The following FRMD4A variants were observed in gnomAD, a reference collection of about 807,000 sequenced individuals.
FRMD4A encodes FERM domain containing 4A.
FRMD4A carries 29 observed loss-of-function variants against 129.1 expected under a neutral mutation model. That is an observed-to-expected ratio of 0.22 (90% CI 0.17 to 0.31). FRMD4A has a LOEUF of 0.31. FRMD4A is among the 10% of genes least tolerant of loss of function. The probability of loss-of-function intolerance (pLI) is 1.00; values close to 1 mark genes in which losing one functional copy is unlikely to be tolerated. For missense variants in FRMD4A, 1,272 were observed against 1,375.8 expected (o/e 0.92, Z 1.19); for synonymous variants, 634 against 571.6 (o/e 1.11, Z -1.56).
intron 2 of FRMD4A, among the ~76,000 whole-genome samples, chr10:14,042,610 G>A (rs571630754): frequency 3.2e-4 from 48 of 152,214 alleles, no homozygotes; most frequent in South Asian, 8.3e-4. Context: ...GGGTATTTAC[G>A]AAGGTGTACT....
In FRMD4A at chr10:14,039,368, GTCCA is replaced by G. The variant is rs61121735; in HGVS notation, c.46-180460_46-180457del. Among the ~76,000 whole-genome samples, 363 of 109,496 alleles carry G rather than the reference GTCCA, an allele frequency of 3.3e-3. 4 individuals are homozygous for G. The highest frequency in any genetic ancestry group is 0.011 in the African/African-American group (243 of 22,490). 71.8% of individuals were successfully genotyped at this position (109,496 alleles called of 152,430 possible). On this transcript the variant is annotated intron_variant, in intron 2 of 24. Coordinates refer to ENST00000357447, the MANE Select transcript of FRMD4A (RefSeq NM_018027.5). ...TGCTCACTTTCTGATCTGTCCGTCCGTCCATCCATCCATCCATCCATCCATCCAT... is the reference window on the plus strand; with the variant it reads ...TGCTCACTTTCTGATCTGTCCGTCCGTCCATCCATCCATCCATCCATCCAT...
chr10:13,735,410 T>C (rs898440326), intron 12 of FRMD4A, among the ~76,000 whole-genome samples: 1 of 152,230 alleles, frequency 6.6e-6, no homozygotes, highest in Non-Finnish European at 1.5e-5. Flanking sequence ...TTGTAAATTC[T>C]CTTATTTGAT....
intron 5 of FRMD4A, among the ~76,000 whole-genome samples, chr10:13,787,268 G>T (rs1564802414): frequency 6.6e-6 from 1 of 152,116 alleles, no homozygotes; most frequent in South Asian, 2.1e-4. Context: ...GTTAGGGGAG[G>T]GTATGGAGCT....
At chr10:13,705,773 T>C (rs547480931) in intron 13 of FRMD4A, among the ~76,000 whole-genome samples, 8 of 152,284 alleles carry the variant, frequency 5.3e-5, no homozygotes, top group African/African-American at 1.9e-4. Flanking sequence ...GGATAAAATA[T>C]TTTTCTGTTA....
intron 3 of FRMD4A, among the ~76,000 whole-genome samples, chr10:13,854,668 G>C (rs1170693021): frequency 6.6e-6 from 1 of 150,794 alleles, no homozygotes; most frequent in Non-Finnish European, 1.5e-5. Context: ...CTGACCTCAA[G>C]TGATCCACTC....
chr10:13,812,790 C>A (rs573260679), intron 3 of FRMD4A, among the ~76,000 whole-genome samples: 22 of 152,316 alleles, frequency 1.4e-4, no homozygotes, highest in Non-Finnish European at 2.8e-4. Context: ...GAGAACCCAA[C>A]GTGATAAATC....
chr10:13,700,275 T>TCCC (rs34428699), intron 14 of FRMD4A, among the ~76,000 whole-genome samples: 1 of 149,806 alleles, frequency 6.7e-6, no homozygotes, highest in Non-Finnish European at 1.5e-5. Context: ...TCTTATCACC[T>TCCC]CCCCCTTGAC....
chr10:14,167,275 T>C (rs1841232111), intron 2 of FRMD4A, among the ~76,000 whole-genome samples: 1 of 152,092 alleles, frequency 6.6e-6, no homozygotes, highest in Non-Finnish European at 1.5e-5. Flanking sequence ...CTCACACTTG[T>C]AATCCCAGCA....
chr10:14,020,337 C>G (rs1021423787), intron 2 of FRMD4A, among the ~76,000 whole-genome samples: 3 of 152,156 alleles, frequency 2.0e-5, no homozygotes, highest in African/African-American at 4.8e-5. Flanking sequence ...TCCCCCAAAG[C>G]CCCCCAGTGG....
Position 13,656,962 on chromosome 10 carries a change from C to T in FRMD4A, c.2627G>A (p.Gly876Asp), listed in dbSNP as rs1032427933. ...QFKTSNSYTA[G>D]GLFKESWRGG... ...GCGCCAGCTCTCCTTGAACAGGCCGCCCGCCGTGTAGGAGTTGGACGTCTT... is the reference window on the plus strand; with the variant it reads ...GCGCCAGCTCTCCTTGAACAGGCCGTCCGCCGTGTAGGAGTTGGACGTCTT... Residue 876 changes from glycine (G) to aspartate (D), a missense_variant, in exon 22 of 25, where the codon GGC becomes GAC. Around this residue, in one of 2 missense-constraint regions of FRMD4A, gnomAD observed 972 missense variants for 892.3 expected, o/e 1.09. Coordinates refer to ENST00000357447, the MANE Select transcript of FRMD4A (RefSeq NM_018027.5). The T allele has an allele frequency of 6.5e-7, 1 of 1,539,786 alleles. No individual in the cohort carries two copies. The highest frequency in any genetic ancestry group is 8.7e-7 in the Non-Finnish European group (1 of 1,150,506).
chr10:13,724,775 A>G (rs2089760929), intron 12 of FRMD4A, among the ~76,000 whole-genome samples: 2 of 152,206 alleles, frequency 1.3e-5, no homozygotes, highest in Non-Finnish European at 2.9e-5. Context: ...CAACGTGGCT[A>G]TTTATATGGC....
rs550170214 is a variant in FRMD4A at position 13,891,988 on chromosome 10, C to T, written c.46-33076G>A. Among the ~76,000 whole-genome samples the T allele has an allele frequency of 1.3e-4, 20 of 151,336 alleles. No individual in the cohort carries two copies. The South Asian group carries it at 3.9e-3, about 30-fold the overall frequency. On this transcript the variant is annotated intron_variant, in intron 2 of 24. Coordinates refer to ENST00000357447, the MANE Select transcript of FRMD4A (RefSeq NM_018027.5). The stretch of plus-strand genomic sequence containing the variant: ...CCACCGCGCGCCACCGCCGCCGCCA[C>T]CGCCCGCCGCCCGATCCTGGACAAC...
At chr10:14,173,087 A>G (rs1002961530) in intron 2 of FRMD4A, among the ~76,000 whole-genome samples, 1 of 152,246 alleles carries the variant, frequency 6.6e-6, no homozygotes, top group Non-Finnish European at 1.5e-5. Flanking sequence ...ACAGGGCATC[A>G]AAGAGATGAG....
At chr10:13,689,463 G>GA (rs1157924697) in intron 15 of FRMD4A, among the ~76,000 whole-genome samples, 2 of 150,594 alleles carry the variant, frequency 1.3e-5, no homozygotes, top group Non-Finnish European at 3.0e-5. Context: ...TATAATTTGG[G>GA]AAAAAAAGTA....
At chr10:14,220,833 T>A (rs1383503076) in intron 2 of FRMD4A, among the ~76,000 whole-genome samples, 3 of 151,358 alleles carry the variant, frequency 2.0e-5, no homozygotes, top group Non-Finnish European at 4.4e-5. Context: ...TGTGTGTGTG[T>A]GTGTGTTTAC....
At chr10:13,776,490 T>C (rs1448357233) in intron 6 of FRMD4A, among the ~76,000 whole-genome samples, 1 of 152,192 alleles carries the variant, frequency 6.6e-6, no homozygotes, top group Non-Finnish European at 1.5e-5. Flanking sequence ...CAATTATTTA[T>C]CTATATGGAG....
At chr10:14,191,249 G>C (rs1244375032) in intron 2 of FRMD4A, among the ~76,000 whole-genome samples, 1 of 152,120 alleles carries the variant, frequency 6.6e-6, no homozygotes, top group Non-Finnish European at 1.5e-5. Flanking sequence ...AACTCTTTGG[G>C]GCATGGTTTC....
intron 2 of FRMD4A, among the ~76,000 whole-genome samples, chr10:13,992,468 G>C (rs2095606660): frequency 6.6e-6 from 1 of 152,126 alleles, no homozygotes; most frequent in Non-Finnish European, 1.5e-5. Flanking sequence ...TCCATGTCCT[G>C]CCTAAGTCTC....
At chr10:14,251,659 G>A (rs532586414) in intron 2 of FRMD4A, among the ~76,000 whole-genome samples, 1 of 152,196 alleles carries the variant, frequency 6.6e-6, no homozygotes, top group African/African-American at 2.4e-5. Context: ...GGAGTTCCAG[G>A]TGATATTAAG....
Sources: allele counts gnomAD v4.1 joint callset (sites outside exome capture counted in the v4.1 genomes callset), GRCh38; gene constraint gnomAD v4.1.1; regional missense constraint gnomAD v4.1.1; transcripts MANE v1.5; gene names NCBI Gene and HGNC (gene_info 2026-07-23, HGNC 2026-07-21).